Variants in FMNL3 observed in about 807,000 individuals in gnomAD.
FMNL3 encodes the protein formin like 3.
Under a neutral mutation model 119.6 loss-of-function variants are expected in FMNL3, and 57 were observed. That is an observed-to-expected ratio of 0.48 (90% CI 0.39 to 0.59). The LOEUF (loss-of-function observed/expected upper bound fraction) is 0.59. FMNL3 is among the 20% of genes least tolerant of loss of function. The probability of loss-of-function intolerance (pLI) is 0.00; values close to 1 mark genes in which losing one functional copy is unlikely to be tolerated. For synonymous variants in FMNL3, 491 were observed against 507.3 expected (o/e 0.97, Z 0.43); for missense variants, 1,053 against 1,323.5 (o/e 0.80, Z 3.17).
intron 4 of FMNL3, among the ~76,000 whole-genome samples, chr12:49,662,735 G>A (rs1295766867): frequency 6.6e-6 from 1 of 152,178 alleles, no homozygotes; most frequent in African/African-American, 2.4e-5. Context: ...CCCTCAGCCA[G>A]GAAGGTAGAC....
rs1388139441 is a variant in FMNL3, at chr12:49,637,253, C to T, written c.*8562G>A. 5 of 586,576 alleles carry T rather than the reference C, an allele frequency of 8.5e-6. No individual in the cohort carries two copies. The highest frequency in any genetic ancestry group is 1.5e-5 in the Non-Finnish European group (5 of 329,882). The allele number at this position is 586,576 out of a possible 1,614,324, so 36.3% of individuals were successfully genotyped here. A position where few individuals can be genotyped will look rare whatever the true frequency, so the allele number is the denominator to read the frequency against. ...TTGCATCCCGGGACTGGCTTGTTCT[C>T]ACCTTTTTGTTCTGTCCCTCTCTGT... is the stretch of plus-strand genomic sequence containing the variant. On this transcript the variant is annotated 3_prime_UTR_variant, in exon 26 of 26. Transcript: ENST00000335154.
At chr12:49,646,564 A>G in intron 25 of FMNL3, 1 of 1,184,286 alleles carries the variant, frequency 8.4e-7, no homozygotes, top group Non-Finnish European at 1.2e-6. Context: ...CATGCAGGAA[A>G]GAAGGTGCCT....
chr12:49,647,731 A>G lies in FMNL3; in HGVS notation c.2750T>C (p.Val917Ala). The change falls in exon 23 of 26, where the codon GTA (valine) becomes GCA (alanine). Residue 917 changes from valine to alanine, a missense_variant. Around this residue, in one of 4 missense-constraint regions of FMNL3, gnomAD observed 324 missense variants for 380.9 expected, o/e 0.85. Coordinates refer to ENST00000335154, the MANE Select transcript of FMNL3 (RefSeq NM_175736.5). This position sits in a 1 kb window ranked among gnomAD's most constrained non-coding sequence, Gnocchi z 4.9. ...GTAAGAACGAATGAATCGGACAAAT[A>G]CTGGGAAGAATACAGAAGGAGGTGT... ...KTTPPSVFFP[V>A]FVRFIRSYKE... The G allele has an allele frequency of 1.2e-6, 2 of 1,614,156 alleles. No homozygotes were observed. The highest frequency in any genetic ancestry group is 1.7e-6 in the Non-Finnish European group (2 of 1,179,986).
At chr12:49,676,157 C>T (rs1944179202) in intron 1 of FMNL3, among the ~76,000 whole-genome samples, 1 of 152,214 alleles carries the variant, frequency 6.6e-6, no homozygotes, top group Admixed American at 6.5e-5. Context: ...TATCCCCCAA[C>T]CTCTTCTCCT....
intron 5 of FMNL3, chr12:49,660,000 A>C: frequency 1.0e-6 from 1 of 981,514 alleles, no homozygotes; most frequent in African/African-American, 1.7e-5. Flanking sequence ...GAATGTTCCA[A>C]AGGAAGTGGG....
chr12:49,657,076 C>A lies in FMNL3; in HGVS notation c.714+6G>T. On this transcript the variant is annotated splice_donor_region_variant and intron_variant, in intron 7 of 25. Coordinates refer to ENST00000335154, the MANE Select transcript of FMNL3 (RefSeq NM_175736.5). Reference sequence around the variant, plus strand: ...AGAGCACCTATGGCTAGTGCTTCCCCCTTACCTGATAGTTCATGATGGCTC... The same window carrying A: ...AGAGCACCTATGGCTAGTGCTTCCCACTTACCTGATAGTTCATGATGGCTC... 6.2e-7 allele frequency: 1 copy of A among 1,613,460 alleles called. No homozygotes were observed. Among genetic ancestry groups the A allele is most frequent in the South Asian group, 1.1e-5 (1 of 91,070 alleles).
intron 1 of FMNL3, among the ~76,000 whole-genome samples, chr12:49,700,714 C>CAAAAAA: frequency 1.6e-5 from 1 of 63,994 alleles, no homozygotes; most frequent in Non-Finnish European, 2.8e-5. Context: ...GACTCCACCT[C>CAAAAAA]AAAAAAAAAA....
chr12:49,645,937 G>A (rs1177232172), intron 25 of FMNL3, 34 bp from the exon 26 acceptor site: 2 of 1,590,766 alleles, frequency 1.3e-6, no homozygotes, highest in Admixed American at 1.7e-5. Context: ...TGAACAGGAT[G>A]GGAGGGTGAG....
chr12:49,643,137 GTCC>G lies in FMNL3; in HGVS notation c.*2675_*2677del. ...AGTTTGAGGATTCCTTTGGCCCTGG[GTCC>G]TCCTCCTCTCTCGAATTCCCAGACG... On this transcript the variant is annotated 3_prime_UTR_variant, in exon 26 of 26. Transcript: ENST00000335154. 3.8e-6 allele frequency: 6 copies of G among 1,589,436 alleles called. No homozygotes were observed. Among genetic ancestry groups the G allele is most frequent in the Non-Finnish European group, 5.2e-6 (6 of 1,161,260 alleles).
Position 49,636,773 on chromosome 12 carries a change from G to C in FMNL3, c.*9042C>G, listed in dbSNP as rs1941867228. 1.9e-6 allele frequency: 3 copies of C among 1,614,144 alleles called. No individual in the cohort carries two copies. Among genetic ancestry groups the C allele is most frequent in the Non-Finnish European group, 2.5e-6 (3 of 1,180,058 alleles). ...GAGGAGCACATCCGAGCTTTGGAGA[G>C]GGAAGAGGAGGAGGAACGGGAGCGG... is the stretch of plus-strand genomic sequence containing the variant. On this transcript the variant is annotated 3_prime_UTR_variant, in exon 26 of 26. Coordinates refer to ENST00000335154, the MANE Select transcript of FMNL3 (RefSeq NM_175736.5).
At chr12:49,661,766 C>G (rs1372025595) in intron 5 of FMNL3, 200 bp downstream of exon 5, 2 of 590,810 alleles carry the variant, frequency 3.4e-6, no homozygotes, top group Non-Finnish European at 6.1e-6. Flanking sequence ...TCTACTCCAG[C>G]CAAGTGCCAT....
At chr12:49,704,249 C>A (rs1417822096) in intron 1 of FMNL3, among the ~76,000 whole-genome samples, 3 of 152,162 alleles carry the variant, frequency 2.0e-5, no homozygotes, top group African/African-American at 7.2e-5. Flanking sequence ...TGAATCCACT[C>A]TGACTTCAAA....
intron 12 of FMNL3, 33 bp downstream of exon 12, chr12:49,653,692 A>C (rs1839187790): frequency 6.2e-7 from 1 of 1,612,286 alleles, no homozygotes; most frequent in Non-Finnish European, 8.5e-7. Context: ...TTCCATCAAC[A>C]GTGGCTCTGG....
At chr12:49,695,751 A>C (rs965328590) in intron 1 of FMNL3, among the ~76,000 whole-genome samples, 1 of 152,196 alleles carries the variant, frequency 6.6e-6, no homozygotes, top group African/African-American at 2.4e-5. Flanking sequence ...AAGTCCCCCA[A>C]AAGATGTAAA....
At chr12:49,702,992 C>G (rs1162601725) in intron 1 of FMNL3, among the ~76,000 whole-genome samples, 1 of 152,184 alleles carries the variant, frequency 6.6e-6, no homozygotes, top group African/African-American at 2.4e-5. Flanking sequence ...GCTACACTTA[C>G]AGAAAAACCC....
rs904837183 is a variant in FMNL3, at chr12:49,643,143, C to G, written c.*2672G>C. On this transcript the variant is annotated 3_prime_UTR_variant, in exon 26 of 26. Coordinates refer to ENST00000335154, the MANE Select transcript of FMNL3 (RefSeq NM_175736.5). ...AGGATTCCTTTGGCCCTGGGTCCTC[C>G]TCCTCTCTCGAATTCCCAGACGAGG... 2.3e-5 allele frequency: 36 copies of G among 1,591,886 alleles called. 1 individual carries two copies. The highest frequency in any genetic ancestry group is 1.2e-4 in the Admixed American group (7 of 59,078).
At chr12:49,666,361 C>T (rs1359460397) in intron 2 of FMNL3, among the ~76,000 whole-genome samples, 154 bp from the exon 3 acceptor site, 1 of 152,200 alleles carries the variant, frequency 6.6e-6, no homozygotes, top group East Asian at 1.9e-4. Flanking sequence ...ACTTGAGGTT[C>T]CCTTCCTTGA....
At chr12:49,652,698 T>C (rs2138749069) in intron 13 of FMNL3, among the ~76,000 whole-genome samples, 1 of 152,276 alleles carries the variant, frequency 6.6e-6, no homozygotes, top group Middle Eastern at 3.4e-3. Flanking sequence ...GGCAGATACA[T>C]ATTGAGCTCA....
intron 1 of FMNL3, among the ~76,000 whole-genome samples, chr12:49,674,687 T>G (rs752203498): frequency 2.6e-5 from 4 of 152,182 alleles, no homozygotes; most frequent in Non-Finnish European, 5.9e-5. Flanking sequence ...GCCTTGCAGG[T>G]TTTGTTCAAT....
Sources: allele counts gnomAD v4.1 joint callset (sites outside exome capture counted in the v4.1 genomes callset), GRCh38; gene constraint gnomAD v4.1.1; regional missense constraint gnomAD v4.1.1; non-coding constraint Gnocchi (gnomAD v3.1); transcripts MANE v1.5; gene names NCBI Gene and HGNC (gene_info 2026-07-23, HGNC 2026-07-21).